CFAP92: variants seen among roughly 807,000 people sequenced by gnomAD.
CFAP92 encodes cilia and flagella associated protein 92 (putative).
A neutral mutation model predicts 106.3 loss-of-function variants in CFAP92; 86 were observed. The observed-to-expected ratio is 0.81, with a 90% CI of 0.68 to 0.97. The LOEUF (loss-of-function observed/expected upper bound fraction) is 0.97, where lower values mean the gene tolerates loss of function less well. CFAP92 is among the 50% of genes least tolerant of loss of function. The pLI, the probability that CFAP92 is intolerant of heterozygous loss-of-function variation, is 0.00. For synonymous variants in CFAP92, 477 were observed against 506.4 expected (o/e 0.94, Z 0.78); for missense variants, 1,204 against 1,283.8 (o/e 0.94, Z 0.95).
At chr3:128,993,394 T>A in intron 1 of CFAP92, 58 bp from the exon 2 acceptor site, 4 of 1,498,224 alleles carry the variant, frequency 2.7e-6, no homozygotes, top group Non-Finnish European at 3.6e-6. Context: ...CTCCAGGAGG[T>A]AAGCCCGGCC....
At chr3:129,000,417 CG>C (rs1204048001) in intron 1 of CFAP92, among the ~76,000 whole-genome samples, 1 of 152,110 alleles carries the variant, frequency 6.6e-6, no homozygotes, top group African/African-American at 2.4e-5. Context: ...GCTTTTCAAA[CG>C]GCAAGATTTT....
intron 9 of CFAP92, among the ~76,000 whole-genome samples, chr3:128,960,105 A>G (rs888356587): frequency 7.2e-5 from 11 of 152,066 alleles, no homozygotes; most frequent in African/African-American, 2.4e-4. Flanking sequence ...GTAATTTTCC[A>G]TTACCTTCCC....
intron 3 of CFAP92, 65 bp from the exon 4 acceptor site, chr3:128,987,894 G>C: frequency 7.2e-7 from 1 of 1,382,072 alleles, no homozygotes; most frequent in South Asian, 1.3e-5. Flanking sequence ...GGCGAACAGA[G>C]CAAGCCCCAG....
intron 4 of CFAP92, among the ~76,000 whole-genome samples, chr3:128,982,291 G>T (rs1434242329): frequency 6.6e-6 from 1 of 152,236 alleles, no homozygotes; most frequent in African/African-American, 2.4e-5. Flanking sequence ...ATGTTATGGA[G>T]ATGGCTCCTT....
At chr3:128,911,365 G>A (rs1013499256) in intron 15 of CFAP92, among the ~76,000 whole-genome samples, 6 of 151,540 alleles carry the variant, frequency 4.0e-5, no homozygotes, top group Admixed American at 6.6e-5. Flanking sequence ...GCCTGCCAAG[G>A]CAATTTTAGA....
chr3:128,951,259 G>C (rs1288417688), intron 9 of CFAP92, among the ~76,000 whole-genome samples: 2 of 151,834 alleles, frequency 1.3e-5, no homozygotes, highest in Non-Finnish European at 2.9e-5. Context: ...GGAAAGCCCA[G>C]GAGAGTCAGC....
At chr3:129,016,642 A>T in the CFAP92 span, among the ~76,000 whole-genome samples, 1 of 152,066 alleles carries the variant, frequency 6.6e-6, no homozygotes, top group African/African-American at 2.4e-5. Flanking sequence ...AGCCCTGGAG[A>T]CAGAGCTACA....
intron 4 of CFAP92, among the ~76,000 whole-genome samples, chr3:128,980,588 A>C (rs1238431214): frequency 6.6e-6 from 1 of 152,076 alleles, no homozygotes; most frequent in African/African-American, 2.4e-5. Context: ...CATTTTGCCC[A>C]CAGTAGAACG....
At chr3:128,910,388 C>A in intron 15 of CFAP92, 55 bp from the exon 16 acceptor site, 1 of 1,434,738 alleles carries the variant, frequency 7.0e-7, no homozygotes, top group East Asian at 2.5e-5. Flanking sequence ...CCCCTACCCC[C>A]AGCAAGGGAC....
chr3:128,991,211 C>T (rs1414984947), intron 2 of CFAP92, among the ~76,000 whole-genome samples: 1 of 152,154 alleles, frequency 6.6e-6, no homozygotes, highest in African/African-American at 2.4e-5. Context: ...TGGTATTTGC[C>T]AGATGTCTTT....
the CFAP92 span, among the ~76,000 whole-genome samples, chr3:129,016,540 G>A: frequency 1.3e-5 from 2 of 148,624 alleles, no homozygotes; most frequent in African/African-American, 2.5e-5. Flanking sequence ...AGCCGTGCCC[G>A]TGAGCTCCAC....
intron 2 of CFAP92, among the ~76,000 whole-genome samples, chr3:128,989,521 G>A (rs1019495634): frequency 6.6e-6 from 1 of 152,072 alleles, no homozygotes; most frequent in African/African-American, 2.4e-5. Flanking sequence ...CCAATGCGGG[G>A]TGGATAGGGT....
At chr3:129,025,787 G>A in the CFAP92 span, among the ~76,000 whole-genome samples, 27 of 152,336 alleles carry the variant, frequency 1.8e-4, no homozygotes, top group Admixed American at 1.8e-3. Context: ...CCATTTCTCT[G>A]TAGCCACATT....
chr3:128,942,646 C>T (rs971486070), intron 10 of CFAP92, among the ~76,000 whole-genome samples: 5 of 152,150 alleles, frequency 3.3e-5, no homozygotes, highest in African/African-American at 1.2e-4. Context: ...CTGGGCCAGG[C>T]CACATTCTTT....
intron 15 of CFAP92, 117 bp downstream of exon 15, chr3:128,915,002 A>G: frequency 1.0e-6 from 1 of 1,002,820 alleles, no homozygotes; most frequent in Non-Finnish European, 1.4e-6. Context: ...TTCTTAGCAT[A>G]GAAAGTTTGG....
chr3:128,932,602 A>G (rs1938520596), intron 12 of CFAP92, 98 bp downstream of exon 12: 4 of 1,231,798 alleles, frequency 3.2e-6, no homozygotes, highest in Non-Finnish European at 4.4e-6. Flanking sequence ...ACCAGAGGCA[A>G]ATGTCCCACT....
chr3:128,970,080 C>A (rs1415111036), intron 8 of CFAP92: 3 of 152,392 alleles, frequency 2.0e-5, no homozygotes, highest in Non-Finnish European at 2.9e-5. Flanking sequence ...CATAGCAAGA[C>A]CTTGTCTCTA....
chr3:128,934,810 T>C (rs996018715), intron 11 of CFAP92, among the ~76,000 whole-genome samples: 1 of 152,076 alleles, frequency 6.6e-6, no homozygotes, highest in Non-Finnish European at 1.5e-5. Context: ...GGATTACAGG[T>C]GTGAGCCACT....
intron 13 of CFAP92, 170 bp downstream of exon 13, chr3:128,915,937 A>G (rs1162333105): frequency 4.4e-6 from 2 of 458,892 alleles, no homozygotes; most frequent in Non-Finnish European, 7.2e-6. Flanking sequence ...GAGGATTCAC[A>G]TTTAGTGTGG....
Sources: allele counts gnomAD v4.1 joint callset (sites outside exome capture counted in the v4.1 genomes callset), GRCh38; gene constraint gnomAD v4.1.1; transcripts MANE v1.5; gene names NCBI Gene and HGNC (gene_info 2026-07-23, HGNC 2026-07-21).